The following MAP4K4 variants were observed in gnomAD, a reference collection of about 807,000 sequenced individuals.
The protein encoded by MAP4K4 is mitogen-activated protein kinase kinase kinase kinase 4, also known as HPK/GCK-like kinase HGK.
Under a neutral mutation model 189.6 loss-of-function variants are expected in MAP4K4, and 38 were observed. That is an observed-to-expected ratio of 0.20 (90% CI 0.15 to 0.26). The LOEUF (loss-of-function observed/expected upper bound fraction) is 0.26, where lower values mean the gene tolerates loss of function less well. MAP4K4 is among the 10% of genes least tolerant of loss of function. The pLI, the probability that MAP4K4 is intolerant of heterozygous loss-of-function variation, is 1.00. For synonymous variants in MAP4K4, 610 were observed against 624.3 expected (o/e 0.98, Z 0.34); for missense variants, 1,054 against 1,726.9 (o/e 0.61, Z 6.91).
intron 2 of MAP4K4, among the ~76,000 whole-genome samples, chr2:101,705,103 C>T (rs1305120703): frequency 6.6e-6 from 1 of 152,040 alleles, no homozygotes; most frequent in African/African-American, 2.4e-5. Flanking sequence ...TTAGGACATC[C>T]CGTTTTAAAA....
Position 101,866,448 on chromosome 2 carries a change from T to C in MAP4K4, c.2225T>C (p.Leu742Pro), listed in dbSNP as rs976091014. 2.5e-6 allele frequency: 4 copies of C among 1,613,348 alleles called. No individual in the cohort carries two copies. Among genetic ancestry groups the C allele is most frequent in the Non-Finnish European group, 3.4e-6 (4 of 1,179,374 alleles). ...AACAGCAGTATTGAGCCCAGGCTTC[T>C]GTGGGAGAGAGTGGAGAAGCTGGTG... The change falls in exon 19 of 33, where the codon CTG (leucine) becomes CCG (proline). Residue 742 changes from leucine (L) to proline (P), a missense_variant. Leu to Pro is a moderately conservative substitution (Grantham distance 98, BLOSUM62 -3). Coordinates refer to ENST00000324219, the Ensembl canonical transcript of MAP4K4.
intron 23 of MAP4K4, 65 bp from the exon 24 acceptor site, chr2:101,871,429 T>C: frequency 1.5e-6 from 2 of 1,318,554 alleles, no homozygotes; most frequent in East Asian, 2.5e-5. Context: ...AAAGCAGTTA[T>C]CAATAGGGCC....
At chr2:101,797,915 A>T (rs538678981) in intron 3 of MAP4K4, among the ~76,000 whole-genome samples, 2 of 2,560 alleles carry the variant, frequency 7.8e-4, no homozygotes, top group Admixed American at 4.0e-3. Context: ...TTTTTTGGAG[A>T]CCAAGGTCTT....
intron 2 of MAP4K4, among the ~76,000 whole-genome samples, chr2:101,775,168 G>A (rs184132579): frequency 4.0e-5 from 6 of 151,220 alleles, no homozygotes; most frequent in South Asian, 2.1e-4. Context: ...GAGTGGCTTT[G>A]TGGGGCCATT....
At chr2:101,698,166 G>C (rs1402825509) in intron 1 of MAP4K4, 29 bp downstream of exon 1, 1 of 1,121,110 alleles carries the variant, frequency 8.9e-7, no homozygotes, top group African/African-American at 1.8e-5. Context: ...GGGCGCGCGG[G>C]GAGCGGGCAG....
At chr2:101,886,188 AATAT>A (rs2098477913) in intron 29 of MAP4K4, among the ~76,000 whole-genome samples, 1 of 152,202 alleles carries the variant, frequency 6.6e-6, no homozygotes, top group South Asian at 2.1e-4. Flanking sequence ...ATCTGGCCTT[AATAT>A]CCTTTATATA....
chr2:101,835,969 C>A lies in MAP4K4; in HGVS notation c.764C>A (p.Ser255Ter). ...AGAAACCCTCCTCCCCGGCTGAAGT[C>A]AAAAAAATGGTAAGCTATATATGGT... The change falls in exon 9 of 33, where the codon TCA becomes TAA. Residue 255 changes from serine to a stop codon, truncating the protein, a stop_gained. Transcript: ENST00000324219. LOFTEE classifies it high-confidence loss of function. 1 of 1,610,654 alleles carries A rather than the reference C, an allele frequency of 6.2e-7. No homozygotes were observed. Among genetic ancestry groups the A allele is most frequent in the Non-Finnish European group, 8.5e-7 (1 of 1,177,600 alleles).
At chr2:101,864,992 C>T (rs988394359) in exon 18 of MAP4K4, 1 of 1,575,782 alleles carries the variant, frequency 6.3e-7, no homozygotes, top group Non-Finnish European at 8.6e-7. Context: ...CACTGCAGGG[C>T]AGTGGGCAGC....
At chr2:101,820,694 C>G (rs922614842) in intron 3 of MAP4K4, among the ~76,000 whole-genome samples, 4 of 152,200 alleles carry the variant, frequency 2.6e-5, no homozygotes, top group South Asian at 2.1e-4. Flanking sequence ...AGGAGCCTGC[C>G]TGTCTTGACA....
chr2:101,834,426 T>C, exon 8 of MAP4K4: 1 of 1,609,184 alleles, frequency 6.2e-7, no homozygotes. Flanking sequence ...TTTGGTCTTG[T>C]GGCATTACAG....
intron 12 of MAP4K4, among the ~76,000 whole-genome samples, chr2:101,844,912 A>G (rs1439609149): frequency 1.3e-5 from 2 of 152,122 alleles, no homozygotes; most frequent in African/African-American, 4.8e-5. Flanking sequence ...TCTGCAGTGT[A>G]TCCCAGAACT....
At chr2:101,849,562 G>T in intron 12 of MAP4K4, among the ~76,000 whole-genome samples, 1 of 147,610 alleles carries the variant, frequency 6.8e-6, no homozygotes, top group Non-Finnish European at 1.5e-5. Context: ...GTATTTATTT[G>T]CTTTTTAGGA....
chr2:101,769,145 T>C (rs1017985410), intron 2 of MAP4K4, among the ~76,000 whole-genome samples: 2 of 152,224 alleles, frequency 1.3e-5, no homozygotes, highest in Admixed American at 1.3e-4. Flanking sequence ...CAGTTCACTA[T>C]TAAAGTTTCG....
chr2:101,751,327 C>T lies in MAP4K4; in HGVS notation c.124-39393C>T, dbSNP rs1344792359. Among the ~76,000 whole-genome samples the T allele has an allele frequency of 2.0e-5, 3 of 152,178 alleles. No individual in the cohort carries two copies. In the East Asian group the frequency reaches 5.8e-4, roughly 29 times the overall value. ...TTGTAGAAATGATCTTTCTCCTCCC[C>T]TTTTACTTTTATACAACAGAGAGGC... is the stretch of plus-strand genomic sequence containing the variant. On this transcript the variant is annotated intron_variant, in intron 2 of 32. Transcript: ENST00000324219.
intron 2 of MAP4K4, among the ~76,000 whole-genome samples, chr2:101,738,575 T>C (rs1429539309): frequency 6.6e-6 from 1 of 152,172 alleles, no homozygotes; most frequent in Non-Finnish European, 1.5e-5. Flanking sequence ...AGAATAGTGA[T>C]CTGCAGAAGG....
At chr2:101,869,541 A>G in intron 21 of MAP4K4, 81 bp from the exon 22 acceptor site, 1 of 1,140,366 alleles carries the variant, frequency 8.8e-7, no homozygotes, top group South Asian at 1.4e-5. Context: ...CATTGTGGCA[A>G]TTTATGGTTA....
intron 21 of MAP4K4, among the ~76,000 whole-genome samples, chr2:101,868,890 T>C: frequency 6.6e-6 from 1 of 152,082 alleles, no homozygotes; most frequent in Non-Finnish European, 1.5e-5. Flanking sequence ...CAAATGTATA[T>C]ACACAGATCC....
intron 7 of MAP4K4, among the ~76,000 whole-genome samples, chr2:101,833,270 A>G (rs1390116391): frequency 6.6e-6 from 1 of 152,236 alleles, no homozygotes; most frequent in African/African-American, 2.4e-5. Context: ...ATACATAGTA[A>G]TGATAATAAC....
At chr2:101,730,977 C>T (rs1369672781) in intron 2 of MAP4K4, among the ~76,000 whole-genome samples, 14 of 150,552 alleles carry the variant, frequency 9.3e-5, no homozygotes, top group Admixed American at 6.6e-4. Context: ...ACCCGGGAGG[C>T]GGAGCTTGCA....
Sources: allele counts gnomAD v4.1 joint callset (sites outside exome capture counted in the v4.1 genomes callset), GRCh38; gene constraint gnomAD v4.1.1; transcripts MANE v1.5; gene names NCBI Gene and HGNC (gene_info 2026-07-23, HGNC 2026-07-21).